The following ATP9A variants were observed in gnomAD, a reference collection of about 807,000 sequenced individuals.
ATP9A encodes the protein probable phospholipid-transporting ATPase IIA.
In ATP9A, 52 loss-of-function variants were observed where a neutral mutation model predicts 144.1. The ratio of observed to expected loss-of-function variants is 0.36; its 90% CI spans 0.29 to 0.45. The LOEUF (loss-of-function observed/expected upper bound fraction) is 0.45, where lower values mean the gene tolerates loss of function less well. Ranked by LOEUF, ATP9A falls within the 20% of genes least tolerant of loss-of-function variation. ATP9A has a pLI of 1.00. For missense variants in ATP9A, 947 were observed against 1,392.7 expected (o/e 0.68, Z 5.09); for synonymous variants, 582 against 557.4 (o/e 1.04, Z -0.62).
intron 2 of ATP9A, 106 bp downstream of exon 2, chr20:51,729,728 G>A: frequency 7.5e-7 from 1 of 1,326,552 alleles, no homozygotes; most frequent in Middle Eastern, 2.0e-4. Context: ...CTGGGCGACA[G>A]AGTAAGACTC....
At chr20:51,670,166 A>G in intron 12 of ATP9A, 57 bp from the exon 13 acceptor site, 2 of 1,337,992 alleles carry the variant, frequency 1.5e-6, no homozygotes, top group Non-Finnish European at 2.2e-6. Flanking sequence ...TGTTATTATT[A>G]ACAGTAATGA....
chr20:51,606,694 C>T (rs1305772154), intron 26 of ATP9A, among the ~76,000 whole-genome samples: 2 of 152,178 alleles, frequency 1.3e-5, no homozygotes, highest in Admixed American at 1.3e-4. Context: ...GGACTCGTGG[C>T]TCACAGTCCA....
chr20:51,737,792 C>A (rs762463296), intron 1 of ATP9A, among the ~76,000 whole-genome samples: 3 of 152,118 alleles, frequency 2.0e-5, no homozygotes, highest in Non-Finnish European at 2.9e-5. Context: ...AACTTGTATG[C>A]TTCAAGGACT....
chr20:51,605,150 G>T (rs542578211), intron 26 of ATP9A, 130 bp from the exon 27 acceptor site: 3 of 739,900 alleles, frequency 4.1e-6, no homozygotes, highest in Non-Finnish European at 6.1e-6. Flanking sequence ...TGAGGTTAAT[G>T]ACTGGTGCTT....
intron 9 of ATP9A, among the ~76,000 whole-genome samples, chr20:51,687,763 CAAA>C (rs201342511): frequency 3.2e-4 from 41 of 129,952 alleles, no homozygotes; most frequent in African/African-American, 4.2e-4. Flanking sequence ...GACCCTGTCT[CAAA>C]AAAAAAAAAA....
intron 14 of ATP9A, among the ~76,000 whole-genome samples, chr20:51,643,864 A>G (rs1030949132): frequency 1.3e-5 from 2 of 152,188 alleles, no homozygotes; most frequent in African/African-American, 4.8e-5. Flanking sequence ...AGCCAGGTGC[A>G]GTAGCTCATG....
chr20:51,688,193 C>T (rs1406216619), intron 9 of ATP9A, among the ~76,000 whole-genome samples: 4 of 152,160 alleles, frequency 2.6e-5, no homozygotes, highest in Non-Finnish European at 5.9e-5. Flanking sequence ...ACATAAGCAC[C>T]CAGCACAGGG....
intron 9 of ATP9A, among the ~76,000 whole-genome samples, chr20:51,682,043 A>G (rs552141144): frequency 7.6e-4 from 116 of 151,948 alleles, no homozygotes; most frequent in Non-Finnish European, 1.4e-3. Flanking sequence ...CTGTTTCTTG[A>G]TCTGGGTGCT....
intron 14 of ATP9A, among the ~76,000 whole-genome samples, chr20:51,640,676 A>G (rs923190146): frequency 1.3e-5 from 2 of 152,120 alleles, no homozygotes; most frequent in African/African-American, 4.8e-5. Flanking sequence ...AGCCAGACAT[A>G]CTCAGCTTAA....
chr20:51,673,013 T>C (rs547044302), intron 11 of ATP9A, among the ~76,000 whole-genome samples: 2 of 152,344 alleles, frequency 1.3e-5, no homozygotes, highest in East Asian at 1.9e-4. Flanking sequence ...AGGTGATTTA[T>C]ATTTTATTCT....
At chr20:51,632,112 C>T (rs2077272331) in intron 15 of ATP9A, among the ~76,000 whole-genome samples, 1 of 151,998 alleles carries the variant, frequency 6.6e-6, no homozygotes, top group Non-Finnish European at 1.5e-5. Context: ...CTGTGTTGCC[C>T]AGGCTAGAGC....
chr20:51,610,111 G>A lies in ATP9A; in HGVS notation c.2626C>T (p.Leu876Phe). ...GCAGGATTTCCTTACCCAATGATGA[G>A]GAATCCTTGATAGAGAGGGACGGAG... ...FASVPLYQGF[L>F]IIGYSTIYTM... Residue 876 changes from leucine (L) to phenylalanine (F), a missense_variant, in exon 24 of 28, where the codon CTC (leucine) becomes TTC (phenylalanine). Around this residue, in one of 2 missense-constraint regions of ATP9A, gnomAD observed 177 missense variants for 344.9 expected, o/e 0.51. Coordinates refer to ENST00000338821, the MANE Select transcript of ATP9A (RefSeq NM_006045.3). 6.2e-7 allele frequency: 1 copy of A among 1,601,506 alleles called. No individual in the cohort carries two copies. Among genetic ancestry groups the A allele is most frequent in the Non-Finnish European group, 8.6e-7 (1 of 1,168,590 alleles).
intron 4 of ATP9A, 82 bp downstream of exon 4, chr20:51,712,884 C>A (rs974441787): frequency 2.2e-5 from 28 of 1,274,500 alleles, no homozygotes; most frequent in Non-Finnish European, 2.9e-5. Flanking sequence ...ACCTGCGGCC[C>A]GGGCCTTGAA....
intron 10 of ATP9A, 88 bp downstream of exon 10, chr20:51,676,044 A>T: frequency 2.1e-6 from 2 of 944,556 alleles, no homozygotes; most frequent in South Asian, 1.4e-5. Context: ...TATCACTCTT[A>T]GGTGTTCCTA....
chr20:51,658,009 G>A (rs1350208940), intron 13 of ATP9A, among the ~76,000 whole-genome samples: 1 of 152,234 alleles, frequency 6.6e-6, no homozygotes, highest in African/African-American at 2.4e-5. Context: ...GCCCCTGAAA[G>A]GCCAGGAATG....
chr20:51,680,010 A>G (rs1418708984), intron 9 of ATP9A, among the ~76,000 whole-genome samples: 1 of 152,056 alleles, frequency 6.6e-6, no homozygotes, highest in African/African-American at 2.4e-5. Context: ...CGGGTGGATC[A>G]CTTGAGGTCA....
chr20:51,674,005 G>A (rs1030845154), intron 11 of ATP9A, 148 bp downstream of exon 11: 55 of 935,878 alleles, frequency 5.9e-5, no homozygotes, highest in African/African-American at 1.8e-4. Flanking sequence ...AGCCAAGATC[G>A]CGCCACTGCC....
At chr20:51,610,267 G>A (rs1170089707) in intron 23 of ATP9A, 102 bp from the exon 24 acceptor site, 1 of 895,120 alleles carries the variant, frequency 1.1e-6, no homozygotes, top group Non-Finnish European at 1.8e-6. Flanking sequence ...ACCCGCGCCG[G>A]CACTGCTGTA....
chr20:51,607,251 G>A (rs2077167096), intron 26 of ATP9A, among the ~76,000 whole-genome samples: 2 of 152,282 alleles, frequency 1.3e-5, no homozygotes, highest in East Asian at 1.9e-4. Flanking sequence ...GAAAGCATCT[G>A]CTTTTTGCCT....
Sources: gnomAD v4.1 joint callset for allele counts (sites outside exome capture counted in the v4.1 genomes callset) on GRCh38, gnomAD v4.1.1 for gene constraint, gnomAD v4.1.1 regional missense constraint, MANE v1.5 for transcripts, NCBI Gene and HGNC (gene_info 2026-07-23, HGNC 2026-07-21) for gene names.